The following EFCAB5 variants were observed in gnomAD, a reference collection of about 807,000 sequenced individuals.
EFCAB5 encodes EF-hand calcium-binding domain-containing protein 5.
EFCAB5 carries 131 observed loss-of-function variants against 167.9 expected under a neutral mutation model. The ratio of observed to expected loss-of-function variants is 0.78; its 90% CI spans 0.68 to 0.90. The LOEUF is 0.90. Ranked by LOEUF, EFCAB5 falls within the 40% of genes least tolerant of loss-of-function variation. EFCAB5 has a pLI of 0.00. For synonymous variants in EFCAB5, 574 were observed against 602.8 expected (o/e 0.95, Z 0.70); for missense variants, 1,663 against 1,745.2 (o/e 0.95, Z 0.84).
intron 8 of EFCAB5, among the ~76,000 whole-genome samples, chr17:30,035,770 T>C (rs1262328762): frequency 6.6e-6 from 1 of 152,152 alleles, no homozygotes; most frequent in Non-Finnish European, 1.5e-5. Context: ...GGAGAGTTAC[T>C]TTCACAGGGG....
At chr17:29,935,889 T>C (rs2067241152) in intron 1 of EFCAB5, among the ~76,000 whole-genome samples, 1 of 152,180 alleles carries the variant, frequency 6.6e-6, no homozygotes, top group Admixed American at 6.5e-5. Context: ...CCCATGGTTC[T>C]GAGACACAGA....
intron 22 of EFCAB5, among the ~76,000 whole-genome samples, chr17:30,096,657 A>ATG (rs2071291938): frequency 1.6e-5 from 1 of 61,302 alleles, no homozygotes; most frequent in Non-Finnish European, 3.3e-5. Context: ...GAAAGCATAT[A>ATG]TATATATATA....
At chr17:30,080,326 G>A in intron 16 of EFCAB5, 85 bp downstream of exon 16, 1 of 1,422,516 alleles carries the variant, frequency 7.0e-7, no homozygotes, top group Non-Finnish European at 9.3e-7. Context: ...ATCCCAGCTA[G>A]CTGCTCAAAA....
At chr17:30,012,290 G>T (rs952866295) in intron 7 of EFCAB5, among the ~76,000 whole-genome samples, 4 of 152,168 alleles carry the variant, frequency 2.6e-5, no homozygotes, top group Non-Finnish European at 5.9e-5. Context: ...CATTAGTCAG[G>T]CTCGCCCGCA....
chr17:29,950,721 A>C (rs1040493990), intron 3 of EFCAB5: 6 of 152,160 alleles, frequency 3.9e-5, no homozygotes, highest in African/African-American at 1.2e-4. Context: ...TTACTTTATT[A>C]TAAGAATACA....
Position 29,941,826 on chromosome 17 carries a change from C to T in EFCAB5, c.30C>T (p.Leu10=). The T allele has an allele frequency of 6.2e-7, 1 of 1,604,646 alleles. No homozygotes were observed. Among genetic ancestry groups the T allele is most frequent in the African/African-American group, 1.3e-5 (1 of 74,852 alleles). ...ATGAGTCAGCATCTCAAGAGGAACT[C>T]AGACCTGCTCAGGTTCTTGTCCTAC... The part of the protein sequence containing the change: MNESASQEE[L]RPAQENRKED... Residue 10 remains leucine, a synonymous_variant, in exon 1 of 23, where the codon CTC becomes CTT. Coordinates refer to ENST00000394835, the MANE Select transcript of EFCAB5 (RefSeq NM_198529.4).
At chr17:30,049,169 T>C (rs946359084) in intron 8 of EFCAB5, among the ~76,000 whole-genome samples, 3 of 152,124 alleles carry the variant, frequency 2.0e-5, no homozygotes, top group Non-Finnish European at 4.4e-5. Context: ...AGACAGCTAA[T>C]GTGTGTCAGA....
intron 2 of EFCAB5, among the ~76,000 whole-genome samples, chr17:29,943,062 A>G (rs1450501723): frequency 7.0e-6 from 1 of 143,404 alleles, no homozygotes; most frequent in Non-Finnish European, 1.5e-5. Context: ...ATATATATAT[A>G]TAGTCAGATT....
intron 7 of EFCAB5, among the ~76,000 whole-genome samples, chr17:30,031,113 A>G (rs531378617): frequency 6.6e-6 from 1 of 152,300 alleles, no homozygotes; most frequent in South Asian, 2.1e-4. Flanking sequence ...ATAGAAAAAT[A>G]CCTACTAGTC....
chr17:30,100,503 C>T (rs1347075772), intron 22 of EFCAB5, among the ~76,000 whole-genome samples: 1 of 152,162 alleles, frequency 6.6e-6, no homozygotes. Context: ...CGTGGTGGCT[C>T]ACGCCTGTAA....
At chr17:30,056,275 C>T (rs1369002646) in intron 12 of EFCAB5, 119 bp downstream of exon 12, 1 of 901,638 alleles carries the variant, frequency 1.1e-6, no homozygotes, top group African/African-American at 1.7e-5. Flanking sequence ...GTGTTCCTTG[C>T]ATTATTTTGT....
Position 30,080,929 on chromosome 17 carries a change from G to C in EFCAB5, c.3374G>C (p.Arg1125Thr). 1 of 1,613,584 alleles carries C rather than the reference G, an allele frequency of 6.2e-7. No homozygotes were observed. Among genetic ancestry groups the C allele is most frequent in the Non-Finnish European group, 8.5e-7 (1 of 1,179,858 alleles). ...IFGVLAVDTL[R>T]DPHEINIFLP... ...GGGGTCTTGGCTGTTGATACCCTTAGAGATCCCCACGAAATAAACATCTTT... is the reference window on the plus strand; with the variant it reads ...GGGGTCTTGGCTGTTGATACCCTTACAGATCCCCACGAAATAAACATCTTT... The change falls in exon 17 of 23, where the codon AGA (arginine) becomes ACA (threonine). Residue 1125 changes from arginine (R) to threonine (T), a missense_variant. Arg to Thr is a moderately conservative substitution (Grantham distance 71). Transcript: ENST00000394835.
At chr17:29,995,201 G>A (rs1010709251) in intron 5 of EFCAB5, among the ~76,000 whole-genome samples, 1 of 152,174 alleles carries the variant, frequency 6.6e-6, no homozygotes, top group African/African-American at 2.4e-5. Flanking sequence ...TGAGAAGAAT[G>A]AGCAAGAGCA....
chr17:30,057,081 C>A (rs1468636878), intron 12 of EFCAB5, among the ~76,000 whole-genome samples: 1 of 152,034 alleles, frequency 6.6e-6, no homozygotes, highest in Non-Finnish European at 1.5e-5. Context: ...ATATATTAGC[C>A]AAGGCTTTTG....
rs1007100228 is a variant in EFCAB5 at position 30,078,471 on chromosome 17, G to A, written c.2994G>A (p.Pro998=). 25 of 1,610,142 alleles carry A rather than the reference G, an allele frequency of 1.6e-5. No homozygotes were observed. Among genetic ancestry groups the A allele is most frequent in the Non-Finnish European group, 1.9e-5 (22 of 1,177,642 alleles). ...AGACAAGTGGGGTGTCCCTAGAGCC[G>A]GTGTATAGTGAGACCTTTAAGGCCC... The part of the protein sequence containing the change: ...AAETSGVSLE[P]VYSETFKALM... The change falls in exon 15 of 23, where the codon CCG becomes CCA. Residue 998 remains proline (P), a synonymous_variant. Coordinates refer to ENST00000394835, the MANE Select transcript of EFCAB5 (RefSeq NM_198529.4).
rs537389953 is a variant in EFCAB5 at position 30,080,204 on chromosome 17, C to A, written c.3160C>A (p.Leu1054Met). The A allele has an allele frequency of 6.2e-7, 1 of 1,612,804 alleles. No homozygotes were observed. Among genetic ancestry groups the A allele is most frequent in the South Asian group, 1.1e-5 (1 of 90,838 alleles). ...TACCTTAGATGATGCTCAATTTGTA[C>A]TGAACAGAGTGCTCTACAGGGACAT... ...ACTLDDAQFV[L>M]NRVLYRDMKG... is the part of the protein sequence containing the mutation. Residue 1054 changes from leucine (L) to methionine (M), a missense_variant, in exon 16 of 23, where the codon CTG becomes ATG. Leu to Met is a conservative substitution (Grantham distance 15). Coordinates refer to ENST00000394835, the MANE Select transcript of EFCAB5 (RefSeq NM_198529.4).
intron 4 of EFCAB5, among the ~76,000 whole-genome samples, chr17:29,976,661 A>T (rs1298650530): frequency 1.3e-5 from 2 of 152,200 alleles, no homozygotes; most frequent in East Asian, 3.8e-4. Flanking sequence ...AGAAAAGTCC[A>T]TTCACTTTAG....
chr17:29,997,351 A>G (rs1342048800), intron 6 of EFCAB5, among the ~76,000 whole-genome samples: 1 of 152,046 alleles, frequency 6.6e-6, no homozygotes, highest in Non-Finnish European at 1.5e-5. Context: ...AGACATTTCT[A>G]CCTACTTATA....
intron 4 of EFCAB5, chr17:29,972,391 G>A (rs997689165): frequency 6.6e-6 from 1 of 151,970 alleles, no homozygotes; most frequent in Admixed American, 6.6e-5. Context: ...TTAAAATGGG[G>A]ATCACTCACT....
Sources: allele counts gnomAD v4.1 joint callset (sites outside exome capture counted in the v4.1 genomes callset), GRCh38; gene constraint gnomAD v4.1.1; transcripts MANE v1.5; gene names NCBI Gene and HGNC (gene_info 2026-07-23, HGNC 2026-07-21).